Variants in MALRD1 observed in about 807,000 individuals in gnomAD.
MALRD1 encodes MAM and LDL receptor class A domain containing 1, also known as MAM and LDL-receptor class A domain-containing protein 1.
MALRD1 carries 247 observed loss-of-function variants against 242.1 expected under a neutral mutation model. The observed-to-expected ratio is 1.02, with a 90% confidence interval of 0.92 to 1.13. The LOEUF (loss-of-function observed/expected upper bound fraction) is 1.13, where lower values mean the gene tolerates loss of function less well. Ranked by LOEUF, MALRD1 falls within the 50% of genes most tolerant of loss-of-function variation. The pLI is 0.00. For synonymous variants in MALRD1, 995 were observed against 866.6 expected (o/e 1.15, Z -2.60); for missense variants, 2,989 against 2,533.1 (o/e 1.18, Z -3.86).
At chr10:19,731,084 C>T (rs920402290) in intron 39 of MALRD1, among the ~76,000 whole-genome samples, 1 of 152,162 alleles carries the variant, frequency 6.6e-6, no homozygotes, top group African/African-American at 2.4e-5. Flanking sequence ...ATCAGTTTAA[C>T]CCACAGAGTA....
intron 33 of MALRD1, among the ~76,000 whole-genome samples, chr10:19,585,447 C>T (rs1243588104): frequency 6.6e-6 from 1 of 151,926 alleles, no homozygotes; most frequent in South Asian, 2.1e-4. Context: ...TCAACATTTG[C>T]TTGTCTGTAA....
intron 28 of MALRD1, among the ~76,000 whole-genome samples, chr10:19,422,879 G>A (rs1332558805): frequency 6.6e-6 from 1 of 152,122 alleles, no homozygotes; most frequent in Admixed American, 6.6e-5. Context: ...TCCAAGAGAA[G>A]CAGTTTGGGC....
intron 29 of MALRD1, among the ~76,000 whole-genome samples, chr10:19,451,246 G>A (rs1835305406): frequency 6.6e-6 from 1 of 151,990 alleles, no homozygotes; most frequent in Non-Finnish European, 1.5e-5. Context: ...GGTAGTAAGT[G>A]CATCTATAAG....
intron 31 of MALRD1, among the ~76,000 whole-genome samples, chr10:19,505,299 G>C (rs1838155340): frequency 1.3e-5 from 2 of 152,162 alleles, no homozygotes; most frequent in South Asian, 4.1e-4. Flanking sequence ...AGGTTGAAGT[G>C]CTAATCCTAG....
chr10:19,205,638 A>G (rs1836750096), intron 17 of MALRD1, among the ~76,000 whole-genome samples: 2 of 152,132 alleles, frequency 1.3e-5, no homozygotes, highest in South Asian at 4.1e-4. Context: ...CTTTCTAGAC[A>G]TTGGGACTTA....
intron 21 of MALRD1, among the ~76,000 whole-genome samples, chr10:19,287,892 G>A (rs1187103061): frequency 2.0e-5 from 3 of 152,148 alleles, no homozygotes; most frequent in African/African-American, 7.2e-5. Flanking sequence ...TAAGACATAG[G>A]TGGAATTATT....
At chr10:19,340,992 A>G (rs1309856527) in intron 24 of MALRD1, among the ~76,000 whole-genome samples, 2 of 152,166 alleles carry the variant, frequency 1.3e-5, no homozygotes, top group Non-Finnish European at 2.9e-5. Context: ...AAAAAATTTT[A>G]CAAAGCTTTC....
At chr10:19,329,697 A>G (rs1363382667) in intron 23 of MALRD1, among the ~76,000 whole-genome samples, 2 of 152,178 alleles carry the variant, frequency 1.3e-5, no homozygotes, top group East Asian at 1.9e-4. Flanking sequence ...CCACAGTGCA[A>G]CTGCCATGCT....
intron 18 of MALRD1, among the ~76,000 whole-genome samples, chr10:19,237,753 A>G (rs1838425929): frequency 4.2e-5 from 5 of 118,340 alleles, no homozygotes; most frequent in Admixed American, 9.5e-5. Context: ...TTATATATAA[A>G]ACCATAATTA....
chr10:19,310,851 T>C (rs950839544), intron 21 of MALRD1, among the ~76,000 whole-genome samples: 5 of 151,492 alleles, frequency 3.3e-5, no homozygotes, highest in Non-Finnish European at 5.9e-5. Context: ...CCGGGTATTA[T>C]CTATATTACA....
At position 19,280,124 on chromosome 10, in the gene MALRD1, A is replaced by C. The variant is rs574597600; in HGVS notation, c.3157A>C (p.Asn1053His). ...ATTACCTCCACACAACTGCACAGAC[A>C]ATGAATTTATCTGCAGGTCTGATGG... is the stretch of plus-strand genomic sequence containing the variant. ...VTLPPHNCTD[N>H]EFICRSDGHC... Residue 1053 changes from asparagine (N) to histidine (H), a missense_variant, in exon 20 of 40, where the codon AAT becomes CAT. Asn to His is a moderately conservative substitution (Grantham distance 68, BLOSUM62 1). Transcript: ENST00000454679. 1,033 of 1,546,422 alleles carry C rather than the reference A, an allele frequency of 6.7e-4. 10 individuals carry two copies. In the South Asian group the frequency reaches 0.011, roughly 16 times the overall value.
chr10:19,105,372 C>A (rs540797210), intron 5 of MALRD1, among the ~76,000 whole-genome samples: 1 of 152,018 alleles, frequency 6.6e-6, no homozygotes, highest in Admixed American at 6.6e-5. Flanking sequence ...AAAAAGAATC[C>A]TATTGCATGT....
chr10:19,446,953 T>C (rs1217374319), intron 28 of MALRD1, among the ~76,000 whole-genome samples: 3 of 152,036 alleles, frequency 2.0e-5, no homozygotes, highest in Non-Finnish European at 4.4e-5. Flanking sequence ...ATCAGGATAT[T>C]AAGTAAATAG....
chr10:19,346,546 T>G (rs1416794622), intron 24 of MALRD1, among the ~76,000 whole-genome samples: 2 of 152,224 alleles, frequency 1.3e-5, no homozygotes, highest in African/African-American at 4.8e-5. Flanking sequence ...TTTTACAGAC[T>G]TTTATTTCAG....
chr10:19,460,069 T>G (rs1299099761), intron 29 of MALRD1, among the ~76,000 whole-genome samples: 1 of 152,086 alleles, frequency 6.6e-6, no homozygotes, highest in Non-Finnish European at 1.5e-5. Flanking sequence ...ATAGAGTTTT[T>G]GTGATGATAT....
chr10:19,524,703 CTTTAT>C (rs1834023868), intron 31 of MALRD1, among the ~76,000 whole-genome samples: 2 of 147,732 alleles, frequency 1.4e-5, no homozygotes, highest in Admixed American at 1.3e-4. Context: ...TATTAGCCAG[CTTTAT>C]TTTATGAACA....
intron 28 of MALRD1, among the ~76,000 whole-genome samples, chr10:19,423,342 T>C (rs915789812): frequency 2.0e-5 from 3 of 152,082 alleles, no homozygotes; most frequent in Non-Finnish European, 2.9e-5. Context: ...TGATGATTTC[T>C]ACTATTTTTA....
At chr10:19,640,938 A>G (rs1033337880) in intron 36 of MALRD1, among the ~76,000 whole-genome samples, 4 of 152,232 alleles carry the variant, frequency 2.6e-5, no homozygotes, top group Non-Finnish European at 5.9e-5. Flanking sequence ...TTTGTATCCA[A>G]TAGGAAATCA....
intron 2 of MALRD1, among the ~76,000 whole-genome samples, chr10:19,079,143 T>G (rs1448325622): frequency 6.6e-6 from 1 of 151,714 alleles, no homozygotes; most frequent in African/African-American, 2.4e-5. Context: ...TACCAAGCAC[T>G]GAAATAACTG....
Sources: allele counts gnomAD v4.1 joint callset (sites outside exome capture counted in the v4.1 genomes callset), GRCh38; gene constraint gnomAD v4.1.1; transcripts MANE v1.5; gene names NCBI Gene and HGNC (gene_info 2026-07-23, HGNC 2026-07-21).